MLPH: variants seen among roughly 807,000 people sequenced by gnomAD.
MLPH encodes exophilin-3.
In MLPH, 51 loss-of-function variants were observed where a neutral mutation model predicts 72.1. The ratio of observed to expected loss-of-function variants is 0.71; its 90% CI spans 0.56 to 0.89. The LOEUF (loss-of-function observed/expected upper bound fraction) is 0.89, where lower values mean the gene tolerates loss of function less well. Ranked by LOEUF, MLPH falls within the 40% of genes least tolerant of loss-of-function variation. The probability of loss-of-function intolerance (pLI) is 0.00; values close to 1 mark genes in which losing one functional copy is unlikely to be tolerated. For synonymous variants in MLPH, 301 were observed against 310.1 expected (o/e 0.97, Z 0.31); for missense variants, 743 against 759.9 (o/e 0.98, Z 0.26).
At chr2:237,531,662 T>G (rs1449442874) in intron 8 of MLPH, among the ~76,000 whole-genome samples, 4 of 152,240 alleles carry the variant, frequency 2.6e-5, no homozygotes, top group African/African-American at 4.8e-5. Flanking sequence ...TATTAACTTG[T>G]ATTTACTTTG....
At chr2:237,546,127 A>T (rs1050985345) in intron 12 of MLPH, among the ~76,000 whole-genome samples, 1 of 152,244 alleles carries the variant, frequency 6.6e-6, no homozygotes, top group Non-Finnish European at 1.5e-5. Flanking sequence ...TGGTTGTAGT[A>T]GATAAGAGAC....
At chr2:237,533,254 C>T (rs2080459319) in intron 8 of MLPH, among the ~76,000 whole-genome samples, 1 of 152,172 alleles carries the variant, frequency 6.6e-6, no homozygotes, top group Non-Finnish European at 1.5e-5. Context: ...TTCAAAAACA[C>T]AGTTCCCAGG....
chr2:237,497,581 G>A (rs2079560980), intron 2 of MLPH, among the ~76,000 whole-genome samples: 1 of 152,212 alleles, frequency 6.6e-6, no homozygotes, highest in South Asian at 2.1e-4. Flanking sequence ...TGTGGACGCT[G>A]TGCAAGGCCA....
At chr2:237,501,684 AAAAAAT>A (rs2079653463) in intron 2 of MLPH, among the ~76,000 whole-genome samples, 6 of 119,136 alleles carry the variant, frequency 5.0e-5, no homozygotes, top group African/African-American at 2.3e-4. Context: ...AAAAAAAAAA[AAAAAAT>A]ACAAAAAAAT....
rs987254959 is a variant in MLPH, at chr2:237,510,943, T to G, written c.333-46T>G. On this transcript the variant is annotated intron_variant, in intron 3 of 15. Transcript: ENST00000264605. This position sits in a 1 kb window ranked among gnomAD's most constrained non-coding sequence, Gnocchi z 4.4. ...TGTGTGTGAGATTTATGCAGGCCTG[T>G]GTACAGCACTCAGGCAGTGCCATGA... The G allele has an allele frequency of 3.2e-6, 5 of 1,544,332 alleles. No individual in the cohort carries two copies. Among genetic ancestry groups the G allele is most frequent in the Non-Finnish European group, 4.5e-6 (5 of 1,117,458 alleles).
At chr2:237,532,548 C>A (rs1449197349) in intron 8 of MLPH, among the ~76,000 whole-genome samples, 1 of 152,230 alleles carries the variant, frequency 6.6e-6, no homozygotes, top group East Asian at 1.9e-4. Context: ...ATAAAAGTGT[C>A]ACCAGTGACA....
intron 9 of MLPH, among the ~76,000 whole-genome samples, chr2:237,535,051 T>G (rs1313721022): frequency 1.3e-5 from 2 of 152,226 alleles, no homozygotes; most frequent in African/African-American, 2.4e-5. Flanking sequence ...GTCTGCTATA[T>G]GCTGCTATAG....
chr2:237,488,569 A>G (rs1334100113), intron 1 of MLPH, among the ~76,000 whole-genome samples: 1 of 152,162 alleles, frequency 6.6e-6, no homozygotes, highest in Non-Finnish European at 1.5e-5. Flanking sequence ...AGTACCAGGC[A>G]TGGGTCACTG....
intron 8 of MLPH, among the ~76,000 whole-genome samples, chr2:237,534,012 T>C (rs1359820018): frequency 2.0e-5 from 3 of 152,064 alleles, no homozygotes; most frequent in East Asian, 1.9e-4. Flanking sequence ...AACTAGAAAA[T>C]TGATTTATCA....
At position 237,519,910 on chromosome 2, in the gene MLPH, A is replaced by G. The variant is rs2106323605; in HGVS notation, c.556A>G (p.Lys186Glu). ...CTTGCCCTGTCTTGTGCCTGCTAAG[A>G]AAAAGCGCCTCCTCTCCGTCCACGA... ...QAQAQPFGSKKKRLLSVHDFD... is the reference protein window; with the variant it reads ...QAQAQPFGSKEKRLLSVHDFD... Residue 186 changes from lysine (K) to glutamate (E), a missense_variant and splice_region_variant, in exon 6 of 16, where the codon AAA (lysine) becomes GAA (glutamate). Physicochemically the swap from Lys to Glu is moderately conservative, Grantham distance 56. Transcript: ENST00000264605. 3.1e-6 allele frequency: 5 copies of G among 1,613,894 alleles called. No homozygotes were observed. The South Asian group carries it at 4.4e-5, about 14-fold the overall frequency.
intron 2 of MLPH, chr2:237,509,987 A>G (rs2079855306): frequency 6.2e-6 from 1 of 160,670 alleles, no homozygotes; most frequent in Non-Finnish European, 1.4e-5. Flanking sequence ...TTATCATCTA[A>G]GGATACACTT....
chr2:237,540,929 C>T lies in MLPH; in HGVS notation c.1418C>T (p.Ala473Val). ...SELEDRVAVT[A>V]SEVQQAESEV... Reference sequence around the variant, plus strand: ...CTGGAGGACAGAGTGGCAGTGACGGCCTCAGAAGTCCAGCAGGCAGAGAGC... The same window carrying T: ...CTGGAGGACAGAGTGGCAGTGACGGTCTCAGAAGTCCAGCAGGCAGAGAGC... Residue 473 changes from alanine to valine, a missense_variant, in exon 11 of 16, where the codon GCC becomes GTC. By Grantham distance (64) the Ala-to-Val change is moderately conservative (BLOSUM62 0). Transcript: ENST00000264605. The T allele has an allele frequency of 6.2e-7, 1 of 1,609,350 alleles. No homozygotes were observed. Among genetic ancestry groups the T allele is most frequent in the Non-Finnish European group, 8.5e-7 (1 of 1,178,330 alleles).
Position 237,510,431 on chromosome 2 carries a change from T to C in MLPH, c.111-143T>C, listed in dbSNP as rs1224731377. 1.4e-5 allele frequency: 12 copies of C among 883,138 alleles called. 1 individual carries two copies. In the East Asian group the frequency reaches 3.2e-4, roughly 23 times the overall value. 54.7% of individuals were successfully genotyped at this position (883,138 alleles called of 1,614,324 possible). On this transcript the variant is annotated intron_variant, in intron 2 of 15. Coordinates refer to ENST00000264605, the MANE Select transcript of MLPH (RefSeq NM_024101.7). The surrounding 1 kb of genome is among the most constrained non-coding windows in gnomAD (Gnocchi z 4.4). ...CTGTGTGGCTTTGCCCAACGTTGGG[T>C]CACTGTTTTCTGCATAGGAGACAGT...
intron 2 of MLPH, among the ~76,000 whole-genome samples, chr2:237,495,911 C>T (rs987988874): frequency 1.3e-5 from 2 of 152,174 alleles, no homozygotes; most frequent in African/African-American, 2.4e-5. Context: ...TGCGGTCTCA[C>T]GGGCCCCGTC....
chr2:237,545,643 C>T, intron 12 of MLPH: 2 of 1,276,092 alleles, frequency 1.6e-6, no homozygotes, highest in Non-Finnish European at 2.0e-6. Context: ...AGGAGCTGCT[C>T]ACGTCAGGCC....
At chr2:237,528,842 T>C (rs1574877766) in intron 8 of MLPH, among the ~76,000 whole-genome samples, 1 of 152,226 alleles carries the variant, frequency 6.6e-6, no homozygotes, top group Admixed American at 6.5e-5. Context: ...TTCATGTAAA[T>C]GGACTCACAG....
At chr2:237,495,581 G>T (rs1286313396) in intron 2 of MLPH, among the ~76,000 whole-genome samples, 1 of 152,232 alleles carries the variant, frequency 6.6e-6, no homozygotes, top group East Asian at 1.9e-4. Context: ...ACCGTTAGGT[G>T]AAGCAAGAGC....
intron 6 of MLPH, among the ~76,000 whole-genome samples, chr2:237,521,175 G>A (rs76519914): frequency 0.14 from 21,307 of 152,196 alleles, 1,611 homozygotes; most frequent in Non-Finnish European, 0.16. Flanking sequence ...AACCAGAGTC[G>A]TGTAGCGAGG....
intron 2 of MLPH, among the ~76,000 whole-genome samples, chr2:237,496,986 A>T (rs1249250679): frequency 6.6e-6 from 1 of 152,188 alleles, no homozygotes; most frequent in African/African-American, 2.4e-5. Context: ...GACCGGTTTC[A>T]TAGAAGACAA....
Sources: gnomAD v4.1 joint callset for allele counts (sites outside exome capture counted in the v4.1 genomes callset) on GRCh38, gnomAD v4.1.1 for gene constraint, Gnocchi (gnomAD v3.1) non-coding constraint, MANE v1.5 for transcripts, NCBI Gene and HGNC (gene_info 2026-07-23, HGNC 2026-07-21) for gene names.